Variants in ADCY5 observed in about 807,000 individuals in gnomAD.
ADCY5 encodes the protein adenylate cyclase 5, also known as adenylate cyclase type 5.
In ADCY5, 30 loss-of-function variants were observed where a neutral mutation model predicts 119.7. That is an observed-to-expected ratio of 0.25 (90% CI 0.19 to 0.34). The LOEUF is 0.34. ADCY5 is among the 10% of genes least tolerant of loss of function. The pLI, the probability that ADCY5 is intolerant of heterozygous loss-of-function variation, is 1.00. For missense variants in ADCY5, 1,324 were observed against 1,775.2 expected, an observed-to-expected ratio of 0.75 and a Z score of 4.57; for synonymous variants, 753 against 762.2, an observed-to-expected ratio of 0.99 and a Z score of 0.20.
In ADCY5 at chr3:123,292,297, T is replaced by C. The variant is rs569950588; in HGVS notation, c.3064-921A>G. On this transcript the variant is annotated intron_variant, in intron 17 of 20. Coordinates refer to ENST00000462833, the MANE Select transcript of ADCY5 (RefSeq NM_183357.3). ...CCCTGGCTGTCCCTGTGGTGGTGGA[T>C]GTCCATGGGGAAAGAGCTGGTGCTC... Among the ~76,000 whole-genome samples the C allele has an allele frequency of 3.9e-4, 59 of 152,342 alleles. No individual in the cohort carries two copies. In the East Asian group the frequency reaches 0.01, roughly 27 times the overall value.
chr3:123,306,844 A>G (rs1940224465), intron 12 of ADCY5, among the ~76,000 whole-genome samples: 1 of 152,248 alleles, frequency 6.6e-6, no homozygotes, highest in African/African-American at 2.4e-5. Context: ...AAACAATTTA[A>G]TTGTCCATCA....
chr3:123,436,268 G>A (rs1945614445), intron 1 of ADCY5, among the ~76,000 whole-genome samples: 1 of 151,940 alleles, frequency 6.6e-6, no homozygotes, highest in Non-Finnish European at 1.5e-5. Flanking sequence ...AGCTACTCAG[G>A]AGGCTGAGGT....
intron 19 of ADCY5, among the ~76,000 whole-genome samples, chr3:123,289,192 T>C (rs1428774287): frequency 6.6e-6 from 1 of 152,240 alleles, no homozygotes; most frequent in Non-Finnish European, 1.5e-5. Flanking sequence ...ATGTTTGATG[T>C]TGTTCTACAT....
intron 17 of ADCY5, 88 bp downstream of exon 17, chr3:123,295,996 C>A: frequency 6.4e-7 from 1 of 1,558,588 alleles, no homozygotes; most frequent in Non-Finnish European, 8.7e-7. Flanking sequence ...GAAGGCCCGG[C>A]TTGGCCTGGC....
At chr3:123,291,431 C>T in intron 17 of ADCY5, 55 bp from the exon 18 acceptor site, 3 of 1,562,470 alleles carry the variant, frequency 1.9e-6, no homozygotes, top group Non-Finnish European at 2.6e-6. Context: ...CAGATGTCGG[C>T]CCCTCCACCT....
chr3:123,297,341 G>T lies in ADCY5; in HGVS notation c.2930+12C>A. On this transcript the variant is annotated intron_variant, in intron 16 of 20. Transcript: ENST00000462833. ...GGCAGGGAGCGACCCTATCCGAGGA[G>T]CATCAACTCACCACTGGGAGGTCCC... The T allele has an allele frequency of 6.2e-7, 1 of 1,613,676 alleles. No individual in the cohort carries two copies. Among genetic ancestry groups the T allele is most frequent in the Admixed American group, 1.7e-5 (1 of 60,018 alleles).
intron 1 of ADCY5, among the ~76,000 whole-genome samples, chr3:123,427,402 G>A (rs1945436983): frequency 6.6e-6 from 1 of 152,176 alleles, no homozygotes; most frequent in Admixed American, 6.5e-5. Flanking sequence ...TTACCAGCCA[G>A]CCTCGCCTTT....
Position 123,448,635 on chromosome 3 carries a change from C to T in ADCY5, c.-90G>A. ...GAGGGCGGACGGCCGAGCAGGGGGA[C>T]CAGGCTAGGGTCACACGTCGGGGGC... On this transcript the variant is annotated 5_prime_UTR_variant, in exon 1 of 21. Coordinates refer to ENST00000462833, the MANE Select transcript of ADCY5 (RefSeq NM_183357.3). 1 of 1,199,622 alleles carries T rather than the reference C, an allele frequency of 8.3e-7. No homozygotes were observed. The highest frequency in any genetic ancestry group is 1.1e-6 in the Non-Finnish European group (1 of 950,374). 74.3% of individuals were successfully genotyped at this position (1,199,622 alleles called of 1,614,324 possible).
At chr3:123,349,389 C>T (rs1407844094) in intron 2 of ADCY5, among the ~76,000 whole-genome samples, 1 of 152,196 alleles carries the variant, frequency 6.6e-6, no homozygotes, top group Non-Finnish European at 1.5e-5. Flanking sequence ...ACAGCTCTCA[C>T]ACTTGTCCTT....
chr3:123,353,445 A>G (rs902890385), intron 1 of ADCY5, among the ~76,000 whole-genome samples: 2 of 152,218 alleles, frequency 1.3e-5, no homozygotes, highest in Admixed American at 1.3e-4. Context: ...ATATCTGAGT[A>G]CATGGGTCCT....
At chr3:123,302,586 A>G (rs1452941754) in intron 14 of ADCY5, among the ~76,000 whole-genome samples, 1 of 152,044 alleles carries the variant, frequency 6.6e-6, no homozygotes, top group Non-Finnish European at 1.5e-5. Context: ...AGGGTCTATA[A>G]AGTTTTGCCC....
At chr3:123,398,285 T>A (rs1367793967) in intron 1 of ADCY5, among the ~76,000 whole-genome samples, 2 of 151,886 alleles carry the variant, frequency 1.3e-5, no homozygotes, top group African/African-American at 4.8e-5. Flanking sequence ...CCCACACACT[T>A]TGGCTGCAGA....
intron 1 of ADCY5, among the ~76,000 whole-genome samples, chr3:123,417,223 G>A (rs965877163): frequency 6.6e-6 from 1 of 152,080 alleles, no homozygotes; most frequent in Non-Finnish European, 1.5e-5. Context: ...AAGGTACCAG[G>A]TTCCCCCCTA....
intron 5 of ADCY5, among the ~76,000 whole-genome samples, chr3:123,330,001 C>A (rs1287813506): frequency 6.6e-6 from 1 of 152,212 alleles, no homozygotes; most frequent in Non-Finnish European, 1.5e-5. Flanking sequence ...CCTGGGCCCT[C>A]CTTCAATAGT....
intron 17 of ADCY5, among the ~76,000 whole-genome samples, chr3:123,294,489 G>A (rs144206958): frequency 3.1e-4 from 47 of 152,352 alleles, no homozygotes; most frequent in African/African-American, 1.0e-3. Context: ...GGGTCAACAC[G>A]GTGGAGTCTC....
At chr3:123,377,304 A>G (rs1037759858) in intron 1 of ADCY5, among the ~76,000 whole-genome samples, 2 of 151,914 alleles carry the variant, frequency 1.3e-5, no homozygotes, top group Admixed American at 1.3e-4. Context: ...TCTTGTTATC[A>G]CTGCCCCTGG....
chr3:123,337,152 G>C (rs185049547), intron 3 of ADCY5, among the ~76,000 whole-genome samples: 1 of 152,256 alleles, frequency 6.6e-6, no homozygotes, highest in East Asian at 1.9e-4. Flanking sequence ...CACTGACTAT[G>C]CTGTGTATTA....
chr3:123,405,085 C>T (rs904409394), intron 1 of ADCY5, among the ~76,000 whole-genome samples: 1 of 152,254 alleles, frequency 6.6e-6, no homozygotes, highest in Non-Finnish European at 1.5e-5. Context: ...GAGCCTGCGA[C>T]AGCTGCTGGA....
At chr3:123,363,531 C>T (rs1943331171) in intron 1 of ADCY5, among the ~76,000 whole-genome samples, 1 of 152,212 alleles carries the variant, frequency 6.6e-6, no homozygotes, top group Non-Finnish European at 1.5e-5. Flanking sequence ...GTAGCTTGAA[C>T]AGGGCTTTAT....
Sources: allele counts gnomAD v4.1 joint callset (sites outside exome capture counted in the v4.1 genomes callset), GRCh38; gene constraint gnomAD v4.1.1; transcripts MANE v1.5; gene names NCBI Gene and HGNC (gene_info 2026-07-23, HGNC 2026-07-21).